The following FRMD3 variants were observed in gnomAD, a reference collection of about 807,000 sequenced individuals.
FRMD3 encodes FERM domain-containing protein 3.
Under a neutral mutation model 70.2 loss-of-function variants are expected in FRMD3, and 33 were observed. The ratio of observed to expected loss-of-function variants is 0.47; its 90% CI spans 0.36 to 0.63. The LOEUF (loss-of-function observed/expected upper bound fraction) is 0.63. FRMD3 is among the 20% of genes least tolerant of loss of function. FRMD3 has a pLI of 0.00. For synonymous variants in FRMD3, 279 were observed against 255.9 expected, an observed-to-expected ratio of 1.09 and a Z score of -0.86; for missense variants, 632 against 711.4, an observed-to-expected ratio of 0.89 and a Z score of 1.27.
At chr9:83,478,092 T>C (rs1448243871) in intron 1 of FRMD3, among the ~76,000 whole-genome samples, 2 of 152,186 alleles carry the variant, frequency 1.3e-5, no homozygotes, top group South Asian at 4.1e-4. Context: ...AAAAACTACA[T>C]CATGAAGAAC....
intron 1 of FRMD3, among the ~76,000 whole-genome samples, chr9:83,526,687 C>T (rs985439506): frequency 1.3e-5 from 2 of 152,160 alleles, no homozygotes; most frequent in Non-Finnish European, 2.9e-5. Context: ...CAACTGACTG[C>T]GAGCTCCTTG....
At chr9:83,540,272 C>A (rs1829984201), upstream of FRMD3, among the ~76,000 whole-genome samples, 1 of 152,190 alleles carries the variant, frequency 6.6e-6, no homozygotes, top group Non-Finnish European at 1.5e-5. Flanking sequence ...ACAGTCCATG[C>A]TTTTCTTTTA....
chr9:83,538,893 C>G (rs1183306763), upstream of FRMD3, among the ~76,000 whole-genome samples: 1 of 152,178 alleles, frequency 6.6e-6, no homozygotes, highest in South Asian at 2.1e-4. The surrounding 1 kb of genome is among the most constrained non-coding windows in gnomAD (Gnocchi z 4.7). Context: ...GGGCGAGTGA[C>G]AGAGAGAGTG....
chr9:83,317,140 A>G (rs1054864176), intron 6 of FRMD3, among the ~76,000 whole-genome samples: 1 of 152,020 alleles, frequency 6.6e-6, no homozygotes, highest in African/African-American at 2.4e-5. Flanking sequence ...TAAAAAAAAA[A>G]TACAGAAAAC....
chr9:83,312,056 ATCC>A, intron 7 of FRMD3, 81 bp from the exon 8 acceptor site: 1 of 1,043,862 alleles, frequency 9.6e-7, no homozygotes, highest in East Asian at 2.6e-5. Context: ...ATATTTATTC[ATCC>A]TCACCCTAGG....
At chr9:83,458,476 A>G (rs1271215103) in intron 1 of FRMD3, among the ~76,000 whole-genome samples, 1 of 152,236 alleles carries the variant, frequency 6.6e-6, no homozygotes, top group Non-Finnish European at 1.5e-5. Context: ...GATTAAAATC[A>G]GTGGGACAAG....
At chr9:83,274,346 C>T (rs1317984862) in intron 13 of FRMD3, among the ~76,000 whole-genome samples, 2 of 151,856 alleles carry the variant, frequency 1.3e-5, no homozygotes, top group African/African-American at 4.9e-5. Flanking sequence ...TCCCCAAGGG[C>T]AGGGCACCAC....
chr9:83,568,238 A>T, the FRMD3 span, among the ~76,000 whole-genome samples: 2 of 152,144 alleles, frequency 1.3e-5, no homozygotes, highest in African/African-American at 4.8e-5. Context: ...AAAGATTGGC[A>T]CCCAGGATTC....
At position 83,312,798 on chromosome 9, in the gene FRMD3, G is replaced by A. The variant is rs572234996; in HGVS notation, c.685-823C>T. Among the ~76,000 whole-genome samples, 311 of 146,794 alleles carry A rather than the reference G, an allele frequency of 2.1e-3. 3 individuals carry two copies. The highest frequency in any genetic ancestry group is 7.2e-3 in the African/African-American group (288 of 39,822). On this transcript the variant is annotated intron_variant, in intron 7 of 13. Transcript: ENST00000304195. ...GCCCTCCTCCCCAGCAGATCCTGAC[G>A]TAATTGGTGTGGGATGTGTTCTGGT...
rs1353863493 is a variant in FRMD3, at chr9:83,473,043, G to A, written c.147+65042C>T. On this transcript the variant is annotated intron_variant, in intron 1 of 13. Transcript: ENST00000304195. ...TGCTTACAATATTTCCCCTTCCAAC[G>A]CTTTCTGCATCCTGCCAGTTTAACC... 4.6e-5 allele frequency among the ~76,000 whole-genome samples: 7 copies of A among 152,126 alleles called. No individual in the cohort carries two copies. In the South Asian group the frequency reaches 8.3e-4, roughly 18 times the overall value.
At chr9:83,474,058 A>G (rs1292699110) in intron 1 of FRMD3, among the ~76,000 whole-genome samples, 1 of 152,208 alleles carries the variant, frequency 6.6e-6, no homozygotes, top group African/African-American at 2.4e-5. Flanking sequence ...GGAGCTGTGT[A>G]CAGTATGTGC....
intron 13 of FRMD3, among the ~76,000 whole-genome samples, chr9:83,277,060 T>G (rs974834746): frequency 1.3e-5 from 2 of 152,214 alleles, no homozygotes; most frequent in Non-Finnish European, 2.9e-5. Context: ...ATGAGAGATA[T>G]TCTCATATAC....
At chr9:83,248,590 AAAAC>A in intron 13 of FRMD3, 74 bp from the exon 14 acceptor site, 1 of 1,424,630 alleles carries the variant, frequency 7.0e-7, no homozygotes. Context: ...AAGAAACAGA[AAAAC>A]AAAAAACTAA....
chr9:83,247,750 C>T lies in FRMD3; in HGVS notation c.*168G>A, dbSNP rs1419084104. 23 of 1,454,050 alleles carry T rather than the reference C, an allele frequency of 1.6e-5. No homozygotes were observed. The East Asian group carries it at 4.9e-4, about 31-fold the overall frequency. 90.1% of individuals were successfully genotyped at this position (1,454,050 alleles called of 1,614,324 possible). On this transcript the variant is annotated 3_prime_UTR_variant, in exon 14 of 14. Coordinates refer to ENST00000304195, the MANE Select transcript of FRMD3 (RefSeq NM_174938.6). ...CTAAAATAACTGTATTTGATTTAAACTTATTTAAGTGCAGTGAATTATGGA... is the reference window on the plus strand; with the variant it reads ...CTAAAATAACTGTATTTGATTTAAATTTATTTAAGTGCAGTGAATTATGGA...
intron 13 of FRMD3, among the ~76,000 whole-genome samples, chr9:83,257,064 A>T (rs571053207): frequency 4.6e-5 from 7 of 152,306 alleles, no homozygotes; most frequent in Admixed American, 2.6e-4. Flanking sequence ...ATAAAGATAC[A>T]TGCATGCATA....
At chr9:83,453,107 C>A (rs1827716156) in intron 1 of FRMD3, among the ~76,000 whole-genome samples, 1 of 152,078 alleles carries the variant, frequency 6.6e-6, no homozygotes, top group South Asian at 2.1e-4. Flanking sequence ...CTGCCTGCCT[C>A]AACCTCCCAA....
At chr9:83,523,408 T>A (rs1198571042) in intron 1 of FRMD3, among the ~76,000 whole-genome samples, 1 of 152,154 alleles carries the variant, frequency 6.6e-6, no homozygotes, top group Admixed American at 6.5e-5. Context: ...TCTCCCTCTC[T>A]ATCTCTCTCT....
Position 83,500,500 on chromosome 9 carries a change from GCGCA to G in FRMD3, c.147+37581_147+37584del, listed in dbSNP as rs1311816068. ...TGCATAGAGTGCTTGGCGTGTATGCGCGCACACACACACACACACACACACACAC... is the reference window on the plus strand; with the variant it reads ...TGCATAGAGTGCTTGGCGTGTATGCGCACACACACACACACACACACACAC... On this transcript the variant is annotated intron_variant, in intron 1 of 13. Coordinates refer to ENST00000304195, the MANE Select transcript of FRMD3 (RefSeq NM_174938.6). Among the ~76,000 whole-genome samples the G allele has an allele frequency of 1.5e-3, 201 of 136,718 alleles. 1 individual carries two copies. Among genetic ancestry groups the G allele is most frequent in the African/African-American group, 4.8e-3 (169 of 35,072 alleles). The allele number at this position is 136,718 out of a possible 152,430, so 89.7% of individuals were successfully genotyped here. A position where few individuals can be genotyped will look rare whatever the true frequency, so the allele number is the denominator to read the frequency against.
Position 83,364,192 on chromosome 9 carries a change from G to A in FRMD3, c.295+8721C>T, listed in dbSNP as rs184550731. Among the ~76,000 whole-genome samples the A allele has an allele frequency of 4.5e-3, 680 of 152,128 alleles. 8 individuals are homozygous for A. The highest frequency in any genetic ancestry group is 0.015 in the African/African-American group (638 of 41,504). Reference sequence around the variant, plus strand: ...CATATTACTACTCGTTATATGTTTGGCAAATGTTCTTCCCATTATTTTCCC... The same window carrying A: ...CATATTACTACTCGTTATATGTTTGACAAATGTTCTTCCCATTATTTTCCC... On this transcript the variant is annotated intron_variant, in intron 3 of 13. Coordinates refer to ENST00000304195, the MANE Select transcript of FRMD3 (RefSeq NM_174938.6).
Sources: gnomAD v4.1 joint callset for allele counts (sites outside exome capture counted in the v4.1 genomes callset) on GRCh38, gnomAD v4.1.1 for gene constraint, Gnocchi (gnomAD v3.1) non-coding constraint, MANE v1.5 for transcripts, NCBI Gene and HGNC (gene_info 2026-07-23, HGNC 2026-07-21) for gene names.